PRKN: variants seen among roughly 807,000 people sequenced by gnomAD.
The protein encoded by PRKN is parkin RBR E3 ubiquitin protein ligase, also known as E3 ubiquitin-protein ligase parkin.
A neutral mutation model predicts 59.5 loss-of-function variants in PRKN; 56 were observed. The observed-to-expected ratio is 0.94, with a 90% confidence interval of 0.76 to 1.18. The LOEUF (loss-of-function observed/expected upper bound fraction) is 1.18. PRKN is among the 50% of genes most tolerant of loss of function. The pLI, the probability that PRKN is intolerant of heterozygous loss-of-function variation, is 0.00. For missense variants in PRKN, 657 were observed against 596.4 expected (o/e 1.10, Z -1.06); for synonymous variants, 250 against 222.1 (o/e 1.13, Z -1.12).
chr6:162,034,184 TATAG>T lies in PRKN; in HGVS notation c.618+19903_618+19906del, dbSNP rs1446469998. ...GTACACATACATATATATATATATA[TATAG>T]AGAGAGAGAGAGAGAGAGAGAGAGA... On this transcript the variant is annotated intron_variant, in intron 5 of 11. Transcript: ENST00000366898. Among the ~76,000 whole-genome samples, 314 of 122,794 alleles carry T rather than the reference TATAG, an allele frequency of 2.6e-3. 1 individual carries two copies. The highest frequency in any genetic ancestry group is 0.015 in the South Asian group (61 of 3,988). 80.6% of individuals were successfully genotyped at this position (122,794 alleles called of 152,430 possible).
At chr6:162,706,038 C>T (rs2849524) in intron 1 of PRKN, among the ~76,000 whole-genome samples, 122,928 of 151,764 alleles carry the variant, frequency 0.81, 49,987 homozygotes, top group East Asian at 0.97. Context: ...CAATCTCTTG[C>T]TATGGTTTTA....
At chr6:162,088,560 A>T (rs903363895) in intron 4 of PRKN, among the ~76,000 whole-genome samples, 1 of 152,188 alleles carries the variant, frequency 6.6e-6, no homozygotes, top group Non-Finnish European at 1.5e-5. Flanking sequence ...AGAGATTACA[A>T]TCTGGATCCT....
In PRKN at chr6:161,578,738, G is replaced by A. The variant is rs1314273358; in HGVS notation, c.872-9322C>T. ...GCTGCTCTGCAATAGATTTTCTGTG[G>A]TCATTTGGGAGGTTTGAGACAGAGG... On this transcript the variant is annotated intron_variant, in intron 7 of 11. Coordinates refer to ENST00000366898, the MANE Select transcript of PRKN (RefSeq NM_004562.3). The surrounding 1 kb of genome is among the most constrained non-coding windows in gnomAD (Gnocchi z 4.2). 1.3e-5 allele frequency among the ~76,000 whole-genome samples: 2 copies of A among 152,150 alleles called. No individual in the cohort carries two copies. Among genetic ancestry groups the A allele is most frequent in the Admixed American group, 1.3e-4 (2 of 15,268 alleles).
chr6:161,732,749 C>T (rs1787776153), intron 7 of PRKN, among the ~76,000 whole-genome samples: 1 of 152,236 alleles, frequency 6.6e-6, no homozygotes, highest in East Asian at 1.9e-4. Flanking sequence ...TCAGCCATTA[C>T]ATTAAAGATG....
In PRKN at chr6:161,546,854, G is replaced by T. The variant is rs1371667863; in HGVS notation, c.1083+2000C>A. Among the ~76,000 whole-genome samples, 1 of 152,098 alleles carries T rather than the reference G, an allele frequency of 6.6e-6. No homozygotes were observed. The highest frequency in any genetic ancestry group is 1.9e-4 in the East Asian group (1 of 5,180). On this transcript the variant is annotated intron_variant, in intron 9 of 11. Transcript: ENST00000366898. The surrounding 1 kb of genome is among the most constrained non-coding windows in gnomAD (Gnocchi z 4.4). The stretch of plus-strand genomic sequence containing the variant: ...CCAGCTGCCATCATGGGGACAAACA[G>T]CCTAAGACAAGGGCCATGTGGTGAG...
intron 1 of PRKN, among the ~76,000 whole-genome samples, chr6:162,696,905 T>A (rs1227312740): frequency 1.3e-5 from 2 of 152,290 alleles, no homozygotes; most frequent in East Asian, 3.9e-4. Context: ...TACTCATCCA[T>A]AAATACATCA....
chr6:161,756,517 C>A (rs964959048), intron 7 of PRKN, among the ~76,000 whole-genome samples: 2 of 139,566 alleles, frequency 1.4e-5, no homozygotes, highest in Non-Finnish European at 3.1e-5. Context: ...CCAAATTATT[C>A]TTTCTTTAGA....
chr6:161,597,540 T>C (rs897345889), intron 7 of PRKN, among the ~76,000 whole-genome samples: 1 of 152,192 alleles, frequency 6.6e-6, no homozygotes, highest in African/African-American at 2.4e-5. Flanking sequence ...GACCTTTCTC[T>C]CCTTTCTTCA....
intron 1 of PRKN, among the ~76,000 whole-genome samples, chr6:162,633,267 C>G (rs1361884554): frequency 6.6e-6 from 1 of 151,478 alleles, no homozygotes; most frequent in African/African-American, 2.4e-5. Flanking sequence ...AACCCCATCT[C>G]TACTAAAAAT....
chr6:162,428,601 T>C (rs980248994), intron 2 of PRKN, among the ~76,000 whole-genome samples: 1 of 152,202 alleles, frequency 6.6e-6, no homozygotes, highest in Non-Finnish European at 1.5e-5. Context: ...ATATCTCACA[T>C]AGCCAAGTAT....
At chr6:161,800,648 G>C (rs948691662) in intron 6 of PRKN, among the ~76,000 whole-genome samples, 2 of 152,170 alleles carry the variant, frequency 1.3e-5, no homozygotes, top group Admixed American at 6.5e-5. Context: ...GCAGTGTCTG[G>C]CCTATGAAGC....
intron 2 of PRKN, among the ~76,000 whole-genome samples, chr6:162,439,340 TTCTCTC>T (rs35631679): frequency 1.3e-3 from 174 of 134,598 alleles, no homozygotes; most frequent in Middle Eastern, 3.8e-3. Context: ...TACCCCTCCC[TTCTCTC>T]TCTCTCTCTC....
chr6:161,734,430 T>C (rs961973923), intron 7 of PRKN, among the ~76,000 whole-genome samples: 4 of 152,166 alleles, frequency 2.6e-5, no homozygotes, highest in African/African-American at 9.7e-5. Context: ...CTGAGATTAG[T>C]ATTGTGTGGA....
At chr6:162,337,164 A>C (rs1309346431) in intron 2 of PRKN, among the ~76,000 whole-genome samples, 1 of 152,186 alleles carries the variant, frequency 6.6e-6, no homozygotes, top group Non-Finnish European at 1.5e-5. Context: ...TTTTAGCCAC[A>C]AGATTATAGA....
chr6:162,383,895 T>C (rs770295965), intron 2 of PRKN, among the ~76,000 whole-genome samples: 5 of 152,228 alleles, frequency 3.3e-5, no homozygotes, highest in African/African-American at 7.2e-5. Context: ...GCAGTGGAGA[T>C]GGCTTCTCTC....
intron 10 of PRKN, among the ~76,000 whole-genome samples, chr6:161,383,619 C>T (rs13219048): frequency 0.07 from 10,631 of 152,302 alleles, 427 homozygotes; most frequent in Admixed American, 0.1. Flanking sequence ...TGTCATGAGG[C>T]CCCTTCTCCA....
intron 6 of PRKN, among the ~76,000 whole-genome samples, chr6:161,924,182 C>A (rs1778883313): frequency 6.6e-6 from 1 of 152,048 alleles, no homozygotes; most frequent in Admixed American, 6.5e-5. Context: ...CTAAAGAATA[C>A]CTAGGAAAAA....
chr6:161,557,149 T>C (rs1333935669), intron 8 of PRKN, among the ~76,000 whole-genome samples: 3 of 152,210 alleles, frequency 2.0e-5, no homozygotes, highest in African/African-American at 7.2e-5. Context: ...ATACATTTCA[T>C]TAGTATGCGT....
chr6:162,469,224 A>G (rs1380062108), intron 1 of PRKN, among the ~76,000 whole-genome samples: 3 of 151,812 alleles, frequency 2.0e-5, no homozygotes, highest in Non-Finnish European at 4.4e-5. Context: ...GCACCACACT[A>G]TAAGAAAAGT....
Sources: allele counts gnomAD v4.1 joint callset (sites outside exome capture counted in the v4.1 genomes callset), GRCh38; gene constraint gnomAD v4.1.1; non-coding constraint Gnocchi (gnomAD v3.1); transcripts MANE v1.5; gene names NCBI Gene and HGNC (gene_info 2026-07-23, HGNC 2026-07-21).